Variants in LIMA1 observed in about 807,000 individuals in gnomAD.
LIMA1 encodes the protein LIM domain and actin-binding protein 1.
A neutral mutation model predicts 62.6 loss-of-function variants in LIMA1; 52 were observed. The ratio of observed to expected loss-of-function variants is 0.83; its 90% CI spans 0.67 to 1.05. The LOEUF is 1.05. Ranked by LOEUF, LIMA1 falls within the 50% of genes least tolerant of loss-of-function variation. LIMA1 has a pLI of 0.00. For missense variants in LIMA1, 780 were observed against 902.2 expected, an observed-to-expected ratio of 0.86 and a Z score of 1.74; for synonymous variants, 302 against 317.8, an observed-to-expected ratio of 0.95 and a Z score of 0.53.
intron 1 of LIMA1, among the ~76,000 whole-genome samples, chr12:50,262,638 T>G (rs952056782): frequency 6.9e-6 from 1 of 145,752 alleles, no homozygotes; most frequent in Non-Finnish European, 1.5e-5. Flanking sequence ...TAAAATAAAA[T>G]AAAATAAAAT....
intron 10 of LIMA1, among the ~76,000 whole-genome samples, chr12:50,179,288 T>C (rs1158287161): frequency 6.6e-6 from 1 of 151,416 alleles, no homozygotes; most frequent in Non-Finnish European, 1.5e-5. Context: ...ACTACAGGTG[T>C]GTGCCACCAT....
rs1293344259 is a variant in LIMA1 at position 50,193,675 on chromosome 12, T to A, written c.1031-1114A>T. Among the ~76,000 whole-genome samples, 4 of 131,724 alleles carry A rather than the reference T, an allele frequency of 3.0e-5. 1 individual carries two copies. The highest frequency in any genetic ancestry group is 2.1e-4 in the East Asian group (1 of 4,852). The allele number at this position is 131,724 out of a possible 152,430, so 86.4% of individuals were successfully genotyped here. A position where few individuals can be genotyped will look rare whatever the true frequency, so the allele number is the denominator to read the frequency against. ...GTATATATATATATATATTTTTTTT[T>A]TTTTTTTTTTTCAGAGTCTCACTCT... On this transcript the variant is annotated intron_variant, in intron 8 of 10. Transcript: ENST00000341247.
At position 50,201,320 on chromosome 12, in the gene LIMA1, C is replaced by T. The variant is rs545705541; in HGVS notation, c.865-436G>A. On this transcript the variant is annotated intron_variant, in intron 6 of 10. Transcript: ENST00000341247. ...ATACTGACCATACATATATAAATGC[C>T]CGGCCTGGAAAGAGAGACAGGGATG... 17 of 987,742 alleles carry T rather than the reference C, an allele frequency of 1.7e-5. No homozygotes were observed. The South Asian group carries it at 7.5e-4, about 43-fold the overall frequency. 61.2% of individuals were successfully genotyped at this position (987,742 alleles called of 1,614,324 possible). A position where few individuals can be genotyped will look rare whatever the true frequency, so the allele number is the denominator to read the frequency against.
At chr12:50,278,588 C>T (rs1942301951) in intron 1 of LIMA1, among the ~76,000 whole-genome samples, 1 of 152,128 alleles carries the variant, frequency 6.6e-6, no homozygotes, top group Non-Finnish European at 1.5e-5. Context: ...GTAATTCAAC[C>T]TCTGGGAATC....
chr12:50,179,340 C>G (rs1392791668), intron 10 of LIMA1, among the ~76,000 whole-genome samples: 1 of 152,078 alleles, frequency 6.6e-6, no homozygotes, highest in Non-Finnish European at 1.5e-5. Context: ...CGGGGTTTCA[C>G]CATGTTGGCC....
At position 50,190,366 on chromosome 12, in the gene LIMA1, A is replaced by AT. The variant is rs1206751938; in HGVS notation, c.1140+2085dup. On this transcript the variant is annotated intron_variant, in intron 9 of 10. Coordinates refer to ENST00000341247, the MANE Select transcript of LIMA1 (RefSeq NM_016357.5). The stretch of plus-strand genomic sequence containing the variant: ...TTAGTATAAGTGTTGCTTGAATGTC[A>AT]TTTTTTTTTTTTTTTTTGAGACAAG... 934 of 121,180 alleles carry AT rather than the reference A, an allele frequency of 7.7e-3. 9 individuals carry two copies. Among genetic ancestry groups the AT allele is most frequent in the African/African-American group, 0.015 (481 of 32,562 alleles). 7.5% of individuals were successfully genotyped at this position (121,180 alleles called of 1,614,324 possible).
intron 8 of LIMA1, among the ~76,000 whole-genome samples, chr12:50,193,667 T>TATTTA (rs1491331766): frequency 1.9e-5 from 1 of 52,570 alleles, no homozygotes; most frequent in African/African-American, 8.5e-5. Flanking sequence ...TATATATATA[T>TATTTA]TTTTTTTTTT....
chr12:50,255,663 T>C (rs1941987025), intron 1 of LIMA1, among the ~76,000 whole-genome samples: 1 of 151,626 alleles, frequency 6.6e-6, no homozygotes, highest in South Asian at 2.1e-4. Flanking sequence ...AGTTTTAGTT[T>C]TTCTACCAAC....
chr12:50,194,593 T>C (rs1183710884), intron 8 of LIMA1, among the ~76,000 whole-genome samples: 1 of 150,296 alleles, frequency 6.7e-6, no homozygotes, highest in South Asian at 2.3e-4. Flanking sequence ...CCACTGCGCC[T>C]GGCCCAGCAA....
At chr12:50,218,905 A>AAC (rs1315210899) in intron 4 of LIMA1, among the ~76,000 whole-genome samples, 2 of 104,910 alleles carry the variant, frequency 1.9e-5, no homozygotes, top group African/African-American at 7.9e-5. Flanking sequence ...TAAAAAAAAA[A>AAC]AAAACAAAAA....
At position 50,177,604 on chromosome 12, in the gene LIMA1, T is replaced by C. The variant is rs771463847; in HGVS notation, c.1740A>G (p.Arg580=). 2 of 1,610,660 alleles carry C rather than the reference T, an allele frequency of 1.2e-6. No homozygotes were observed. Among genetic ancestry groups the C allele is most frequent in the Admixed American group, 1.7e-5 (1 of 59,364 alleles). The stretch of plus-strand genomic sequence containing the variant: ...GGCTTCTTTCCTTCAGTGAAGAAGA[T>C]CGTCTTAGCTTCTTCAGATCTAGAT... ...DVDLDLKKLR[R]SSSLKERSRP... The change falls in exon 11 of 11, where the codon CGA becomes CGG. Residue 580 remains arginine, a synonymous_variant. Coordinates refer to ENST00000341247, the MANE Select transcript of LIMA1 (RefSeq NM_016357.5).
At chr12:50,258,320 G>C (rs1942023977) in intron 1 of LIMA1, among the ~76,000 whole-genome samples, 1 of 152,058 alleles carries the variant, frequency 6.6e-6, no homozygotes, top group Admixed American at 6.6e-5. Context: ...GTGTGTGTGT[G>C]TGACAGAATC....
chr12:50,225,309 G>A lies in LIMA1; in HGVS notation c.166-2824C>T, dbSNP rs1035992898. Reference sequence around the variant, plus strand: ...GGGGGAAAAACTCTCAATCAATATAGAAATATGTACCCGACATGAATAGAT... The same window carrying A: ...GGGGGAAAAACTCTCAATCAATATAAAAATATGTACCCGACATGAATAGAT... On this transcript the variant is annotated intron_variant, in intron 3 of 10. Coordinates refer to ENST00000341247, the MANE Select transcript of LIMA1 (RefSeq NM_016357.5). 3.6e-4 allele frequency among the ~76,000 whole-genome samples: 54 copies of A among 152,074 alleles called. 1 individual carries two copies. The highest frequency in any genetic ancestry group is 7.4e-4 in the Non-Finnish European group (50 of 67,976).
At chr12:50,248,887 TC>T (rs1941888870) in intron 1 of LIMA1, 113 bp from the exon 2 acceptor site, 1 of 661,652 alleles carries the variant, frequency 1.5e-6, no homozygotes, top group East Asian at 2.5e-5. Context: ...CCTCCACTGT[TC>T]TCCCCCAAAC....
intron 1 of LIMA1, among the ~76,000 whole-genome samples, chr12:50,279,236 C>T (rs1942310386): frequency 6.6e-6 from 1 of 151,044 alleles, no homozygotes; most frequent in African/African-American, 2.4e-5. Context: ...GAACTCCTGA[C>T]CTCAAGTGAT....
At chr12:50,262,416 A>T (rs1942082833) in intron 1 of LIMA1, among the ~76,000 whole-genome samples, 1 of 152,070 alleles carries the variant, frequency 6.6e-6, no homozygotes, top group South Asian at 2.1e-4. Context: ...CATTTTAATA[A>T]GAAGAACGTT....
rs766627352 is a variant in LIMA1, at chr12:50,177,754, G to A, written c.1590C>T (p.Ile530=). The change falls in exon 11 of 11, where the codon ATC becomes ATT. Residue 530 remains isoleucine, a synonymous_variant. Transcript: ENST00000341247. ...DKPAETKKLR[I]AWPPPTELGS... Reference sequence around the variant, plus strand: ...CAAGTTCAGTGGGGGGTGGCCAGGCGATCCTCAGCTTCTTGGTTTCAGCTG... The same window carrying A: ...CAAGTTCAGTGGGGGGTGGCCAGGCAATCCTCAGCTTCTTGGTTTCAGCTG... 1.2e-5 allele frequency: 19 copies of A among 1,613,968 alleles called. No individual in the cohort carries two copies. Among genetic ancestry groups the A allele is most frequent in the Non-Finnish European group, 1.4e-5 (16 of 1,180,010 alleles).
rs989213964 is a variant in LIMA1 at position 50,176,897 on chromosome 12, G to GT, written c.*166dup. The GT allele has an allele frequency of 3.9e-5, 23 of 593,776 alleles. No individual in the cohort carries two copies. Among genetic ancestry groups the GT allele is most frequent in the Admixed American group, 6.0e-5 (2 of 33,384 alleles). The allele number at this position is 593,776 out of a possible 1,614,324, so 36.8% of individuals were successfully genotyped here. The stretch of plus-strand genomic sequence containing the variant: ...CTAGTATTTAGAATGTGTTTTTTGT[G>GT]TTTTTTTGTTTTGTTTTTGATTTTA... On this transcript the variant is annotated 3_prime_UTR_variant, in exon 11 of 11. Coordinates refer to ENST00000341247, the MANE Select transcript of LIMA1 (RefSeq NM_016357.5).
At chr12:50,223,367 C>T (rs758280552) in intron 3 of LIMA1, among the ~76,000 whole-genome samples, 1 of 151,976 alleles carries the variant, frequency 6.6e-6, no homozygotes, top group Non-Finnish European at 1.5e-5. Context: ...CCCATAGTCC[C>T]AGCTACTCTG....
Sources: allele counts gnomAD v4.1 joint callset (sites outside exome capture counted in the v4.1 genomes callset), GRCh38; gene constraint gnomAD v4.1.1; transcripts MANE v1.5; gene names NCBI Gene and HGNC (gene_info 2026-07-23, HGNC 2026-07-21).